ZNF280D: variants seen among roughly 807,000 people sequenced by gnomAD.
ZNF280D encodes the protein suppressor of hairy wing homolog 4.
In ZNF280D, 39 loss-of-function variants were observed where a neutral mutation model predicts 94.7. The ratio of observed to expected loss-of-function variants is 0.41; its 90% CI spans 0.32 to 0.54. The LOEUF (loss-of-function observed/expected upper bound fraction) is 0.54. Among genes scored for constraint, ZNF280D ranks in the 20% least tolerant of loss-of-function variants. The pLI is 0.22. For synonymous variants in ZNF280D, 398 were observed against 377.6 expected (o/e 1.05, Z -0.63); for missense variants, 1,090 against 1,149.3 (o/e 0.95, Z 0.75).
At chr15:56,672,213 TA>T (rs1234646317) in intron 13 of ZNF280D, among the ~76,000 whole-genome samples, 1 of 152,174 alleles carries the variant, frequency 6.6e-6, no homozygotes, top group Non-Finnish European at 1.5e-5. Flanking sequence ...CTTCCAGTAC[TA>T]TGTTGAATAG....
chr15:56,639,242 CA>C (rs1484802884), intron 20 of ZNF280D, among the ~76,000 whole-genome samples: 1 of 139,700 alleles, frequency 7.2e-6, no homozygotes, highest in Non-Finnish European at 1.6e-5. Flanking sequence ...AACAAAAAAA[CA>C]AAAAGATGAA....
At position 56,678,755 on chromosome 15, in the gene ZNF280D, A is replaced by G; in HGVS notation, c.1071T>C (p.His357=). ...EKQSSESWEN[H]TTCQHCYRQF... Reference sequence around the variant, plus strand: ...GACGGTAGCAGTGCTGGCAGGTGGTATGGTTTTCCCAGCTCTCACTGCTCT... The same window carrying G: ...GACGGTAGCAGTGCTGGCAGGTGGTGTGGTTTTCCCAGCTCTCACTGCTCT... Residue 357 remains histidine, a synonymous_variant, in exon 11 of 22, where the codon CAT becomes CAC. Coordinates refer to ENST00000267807, the MANE Select transcript of ZNF280D (RefSeq NM_017661.4). 3.7e-6 allele frequency: 6 copies of G among 1,613,280 alleles called. No individual in the cohort carries two copies. The highest frequency in any genetic ancestry group is 5.1e-6 in the Non-Finnish European group (6 of 1,179,582).
Position 56,700,988 on chromosome 15 carries a change from T to A in ZNF280D, c.326A>T (p.His109Leu). Residue 109 changes from histidine (H) to leucine (L), a missense_variant, in exon 6 of 22, where the codon CAT (histidine) becomes CTT (leucine). His to Leu is a moderately conservative substitution (Grantham distance 99). Transcript: ENST00000267807. Reference sequence around the variant, plus strand: ...ACTATCTGAAGATCTAGACTCAGGATGAAAATTTATTGGTGAGGCAGGCAC... The same window carrying A: ...ACTATCTGAAGATCTAGACTCAGGAAGAAAATTTATTGGTGAGGCAGGCAC... ...NPVPASPINF[H>L]PESRSSDSSV... 1.9e-6 allele frequency: 3 copies of A among 1,613,946 alleles called. No homozygotes were observed. In the South Asian group the frequency reaches 3.3e-5, roughly 18 times the overall value.
At chr15:56,634,262 T>G (rs1472011503) in intron 21 of ZNF280D, 2 of 147,472 alleles carry the variant, frequency 1.4e-5, no homozygotes, top group African/African-American at 5.0e-5. Flanking sequence ...TTTTGGATCT[T>G]AACTGGTCAA....
chr15:56,657,944 T>A (rs966452366), intron 17 of ZNF280D, among the ~76,000 whole-genome samples: 29 of 152,136 alleles, frequency 1.9e-4, no homozygotes, highest in Non-Finnish European at 3.5e-4. Context: ...GTATTATTCA[T>A]AAGGGCCTCA....
intron 13 of ZNF280D, among the ~76,000 whole-genome samples, chr15:56,671,500 A>G (rs1056285940): frequency 2.0e-5 from 3 of 151,886 alleles, no homozygotes. Context: ...GTGCGGTTTT[A>G]TTTCTGGGTT....
At chr15:56,715,101 T>A (rs2057970868) in intron 1 of ZNF280D, among the ~76,000 whole-genome samples, 1 of 152,042 alleles carries the variant, frequency 6.6e-6, no homozygotes, top group Admixed American at 6.6e-5. Context: ...ATACTCAATT[T>A]CTGGAAAGAT....
At chr15:56,725,752 T>C (rs1181771729) in intron 1 of ZNF280D, among the ~76,000 whole-genome samples, 1 of 151,958 alleles carries the variant, frequency 6.6e-6, no homozygotes, top group Non-Finnish European at 1.5e-5. Context: ...CAAAAATTTG[T>C]AAGTTACATA....
intron 6 of ZNF280D, chr15:56,700,127 T>C: frequency 4.2e-6 from 4 of 942,428 alleles, no homozygotes; most frequent in Non-Finnish European, 5.1e-6. Flanking sequence ...GATTGCAAAC[T>C]ACAATCTGAG....
intron 12 of ZNF280D, among the ~76,000 whole-genome samples, chr15:56,677,212 C>T (rs1445892418): frequency 1.3e-5 from 2 of 152,200 alleles, no homozygotes; most frequent in Non-Finnish European, 2.9e-5. Flanking sequence ...CTTTTCCTTG[C>T]TTTCCTCTTC....
chr15:56,653,651 A>T, intron 19 of ZNF280D: 3 of 1,408,386 alleles, frequency 2.1e-6, no homozygotes, highest in Non-Finnish European at 1.8e-6. Context: ...AGAAAAAGAC[A>T]ATTATCTGGC....
intron 10 of ZNF280D, among the ~76,000 whole-genome samples, chr15:56,682,042 T>A (rs1234435213): frequency 2.0e-5 from 3 of 152,048 alleles, no homozygotes; most frequent in African/African-American, 7.2e-5. Context: ...TCTTAAGCTA[T>A]GTGAAAGAAA....
At chr15:56,725,760 A>G (rs972682264) in intron 1 of ZNF280D, among the ~76,000 whole-genome samples, 10 of 152,204 alleles carry the variant, frequency 6.6e-5, no homozygotes, top group Admixed American at 1.3e-4. Flanking sequence ...TGTAAGTTAC[A>G]TACCAATCCA....
At chr15:56,667,072 C>G (rs2054341950) in intron 14 of ZNF280D, 86 bp from the exon 15 acceptor site, 1 of 1,140,386 alleles carries the variant, frequency 8.8e-7, no homozygotes, top group South Asian at 2.3e-5. Flanking sequence ...AGTTAAAAAT[C>G]AAGAATTTTG....
intron 9 of ZNF280D, among the ~76,000 whole-genome samples, chr15:56,683,852 A>G (rs1037569048): frequency 6.6e-6 from 1 of 152,206 alleles, no homozygotes; most frequent in Non-Finnish European, 1.5e-5. Context: ...AGACTCCATA[A>G]TATACGAAAG....
At chr15:56,713,606 T>C (rs1340464766) in intron 1 of ZNF280D, among the ~76,000 whole-genome samples, 1 of 152,216 alleles carries the variant, frequency 6.6e-6, no homozygotes, top group East Asian at 1.9e-4. Flanking sequence ...CTCAGATGAA[T>C]AGAGCTTAAA....
At chr15:56,727,256 T>C (rs1450965467) in intron 1 of ZNF280D, among the ~76,000 whole-genome samples, 1 of 150,970 alleles carries the variant, frequency 6.6e-6, no homozygotes, top group Non-Finnish European at 1.5e-5. Flanking sequence ...GGTCAGGAGT[T>C]CGAGACCAGC....
chr15:56,728,333 T>G (rs74850819), intron 1 of ZNF280D, among the ~76,000 whole-genome samples: 1,821 of 152,268 alleles, frequency 0.012, 36 homozygotes, highest in African/African-American at 0.042. Context: ...ATACAACGCT[T>G]AAGTGCCCAA....
intron 1 of ZNF280D, 94 bp from the exon 2 acceptor site, chr15:56,707,400 T>C (rs2057473253): frequency 9.3e-7 from 1 of 1,072,038 alleles, no homozygotes; most frequent in South Asian, 1.4e-5. Flanking sequence ...TCAATTATGT[T>C]TGATATATCT....
Sources: allele counts gnomAD v4.1 joint callset (sites outside exome capture counted in the v4.1 genomes callset), GRCh38; gene constraint gnomAD v4.1.1; transcripts MANE v1.5; gene names NCBI Gene and HGNC (gene_info 2026-07-23, HGNC 2026-07-21).